BRAT1: variants seen among roughly 807,000 people sequenced by gnomAD.
The protein encoded by BRAT1 is integrator complex assembly factor BRAT1.
A neutral mutation model predicts 70.6 loss-of-function variants in BRAT1; 74 were observed. The observed-to-expected ratio is 1.05, with a 90% confidence interval of 0.87 to 1.27. BRAT1 has a LOEUF of 1.27. Ranked by LOEUF, BRAT1 falls within the 50% of genes most tolerant of loss-of-function variation. The probability of loss-of-function intolerance (pLI) is 0.00; values close to 1 mark genes in which losing one functional copy is unlikely to be tolerated. For missense variants in BRAT1, 1,203 were observed against 1,098.2 expected (o/e 1.10, Z -1.35); for synonymous variants, 615 against 517.1 (o/e 1.19, Z -2.57).
At chr7:2,539,003 G>T (rs1778921476) in intron 13 of BRAT1, 176 bp downstream of exon 13, 2 of 1,435,774 alleles carry the variant, frequency 1.4e-6, no homozygotes, top group Admixed American at 2.8e-5. Flanking sequence ...AGAAGGCGAA[G>T]CGCACAGGTC....
intron 4 of BRAT1, chr7:2,544,200 G>GTGTTT (rs1554296216): frequency 1.0e-4 from 11 of 108,670 alleles, no homozygotes; most frequent in Non-Finnish European, 1.6e-4. Context: ...CCTTCTTGTT[G>GTGTTT]TTTTTTTTTT....
Position 2,554,438 on chromosome 7 carries a change from G to A in BRAT1, c.-7C>T, listed in dbSNP as rs200174537. 1.0e-3 allele frequency: 1,665 copies of A among 1,612,164 alleles called. 6 individuals are homozygous for A. Among genetic ancestry groups the A allele is most frequent in the South Asian group, 5.6e-3 (514 of 90,992 alleles). On this transcript the variant is annotated 5_prime_UTR_variant, in exon 2 of 14. Transcript: ENST00000340611. The stretch of plus-strand genomic sequence containing the variant: ...GGGCGCATTCTGGGTCCATGGTGAG[G>A]CCGCAGGCCCTGCAAAGGCAATGTG...
At position 2,538,477 on chromosome 7, in the gene BRAT1, C is replaced by G; in HGVS notation, c.2058G>C (p.Gln686His). ...GAGCCCTCAGTGCCTCGGTGAGTGG[C>G]TGGGCTGGGGCCACCTCGGGTAGGG... The part of the protein sequence containing the change: ...AVALPEVAPA[Q>H]PLTEALRALC... The change falls in exon 14 of 14, where the codon CAG becomes CAC. Residue 686 changes from glutamine (Q) to histidine (H), a missense_variant. Coordinates refer to ENST00000340611, the MANE Select transcript of BRAT1 (RefSeq NM_152743.4). 6.2e-7 allele frequency: 1 copy of G among 1,612,386 alleles called. No individual in the cohort carries two copies. Among genetic ancestry groups the G allele is most frequent in the Non-Finnish European group, 8.5e-7 (1 of 1,179,870 alleles).
Position 2,543,324 on chromosome 7 carries a change from C to A in BRAT1, c.804-1G>T. 6.3e-7 allele frequency: 1 copy of A among 1,589,762 alleles called. No individual in the cohort carries two copies. The highest frequency in any genetic ancestry group is 8.6e-7 in the Non-Finnish European group (1 of 1,167,684). On this transcript the variant is annotated splice_acceptor_variant, in intron 5 of 13. Coordinates refer to ENST00000340611, the MANE Select transcript of BRAT1 (RefSeq NM_152743.4). LOFTEE classifies it high-confidence loss of function. This position sits in a 1 kb window ranked among gnomAD's most constrained non-coding sequence, Gnocchi z 5.5. ...GTCGGAAGAACTGAACACGGGAGAACTGCAGGGAGACCCCAGAGAGAAAAA... is the reference window on the plus strand; with the variant it reads ...GTCGGAAGAACTGAACACGGGAGAAATGCAGGGAGACCCCAGAGAGAAAAA...
Position 2,539,792 on chromosome 7 carries a change from G to T in BRAT1, c.1492C>A (p.Leu498Ile), listed in dbSNP as rs1399427910. ...SDLGPLIPQF[L>I]RELFPVLQKR... Reference sequence around the variant, plus strand: ...CTGCAAGGGGCTGCGTTACCTCTGAGGAACTGCGGGATGAGGGGGCCGAGA... The same window carrying T: ...CTGCAAGGGGCTGCGTTACCTCTGATGAACTGCGGGATGAGGGGGCCGAGA... The change falls in exon 11 of 14, where the codon CTC becomes ATC. Residue 498 changes from leucine to isoleucine, a missense_variant. Physicochemically the swap from Leu to Ile is conservative, Grantham distance 5. Transcript: ENST00000340611. The T allele has an allele frequency of 6.2e-7, 1 of 1,611,434 alleles. No homozygotes were observed. Among genetic ancestry groups the T allele is most frequent in the Admixed American group, 1.7e-5 (1 of 59,686 alleles).
At chr7:2,547,568 C>A in intron 2 of BRAT1, 90 bp from the exon 3 acceptor site, 1 of 1,422,050 alleles carries the variant, frequency 7.0e-7, no homozygotes, top group East Asian at 2.3e-5. Flanking sequence ...ATTCCCAGAC[C>A]CTTTTCTTGC....
In BRAT1 at chr7:2,543,381, G is replaced by A. The variant is rs1026084550; in HGVS notation, c.804-58C>T. ...CCCCACCCTCAAAACCCCATTCGAGGCCTGGCTGAGACTGCCATGGCTCCG... is the reference window on the plus strand; with the variant it reads ...CCCCACCCTCAAAACCCCATTCGAGACCTGGCTGAGACTGCCATGGCTCCG... On this transcript the variant is annotated intron_variant, in intron 5 of 13. Coordinates refer to ENST00000340611, the MANE Select transcript of BRAT1 (RefSeq NM_152743.4). The surrounding 1 kb of genome is among the most constrained non-coding windows in gnomAD (Gnocchi z 5.5). 2.6e-6 allele frequency: 4 copies of A among 1,520,254 alleles called. No homozygotes were observed. Among genetic ancestry groups the A allele is most frequent in the Non-Finnish European group, 3.5e-6 (4 of 1,133,894 alleles). The allele number at this position is 1,520,254 out of a possible 1,614,324, so 94.2% of individuals were successfully genotyped here.
rs1220211512 is a variant in BRAT1 at position 2,543,047 on chromosome 7, C to T, written c.923+157G>A. On this transcript the variant is annotated intron_variant, in intron 6 of 13. Coordinates refer to ENST00000340611, the MANE Select transcript of BRAT1 (RefSeq NM_152743.4). This position sits in a 1 kb window ranked among gnomAD's most constrained non-coding sequence, Gnocchi z 5.5. ...TTGCTAAAGAACCTTCAGAAGCTGC[C>T]GCGCGCAACCCACGCACCACCCAGT... 14 of 851,604 alleles carry T rather than the reference C, an allele frequency of 1.6e-5. No homozygotes were observed. Among genetic ancestry groups the T allele is most frequent in the Non-Finnish European group, 2.1e-5 (12 of 571,046 alleles). The allele number at this position is 851,604 out of a possible 1,614,324, so 52.8% of individuals were successfully genotyped here.
intron 9 of BRAT1, 109 bp downstream of exon 9, chr7:2,541,189 C>T: frequency 1.0e-5 from 15 of 1,431,456 alleles, no homozygotes; most frequent in Admixed American, 2.8e-5. Context: ...TCAGCCCCCA[C>T]CCCAGAGAAG....
rs932050999 is a variant in BRAT1 at position 2,538,159 on chromosome 7, G to A, written c.2376C>T (p.Ser792=). 23 of 1,608,548 alleles carry A rather than the reference G, an allele frequency of 1.4e-5. No homozygotes were observed. The highest frequency in any genetic ancestry group is 1.9e-5 in the Non-Finnish European group (22 of 1,176,992). Residue 792 remains serine, a synonymous_variant, in exon 14 of 14, where the codon AGC becomes AGT. Coordinates refer to ENST00000340611, the MANE Select transcript of BRAT1 (RefSeq NM_152743.4). ...ACTGGGGACTCTTTTCCACGTGGTC[G>A]CTGCTCTCGGCCAGCGTGCTCCGCA... ...EGLRSTLAES[S]DHVEKSPQSL...
At chr7:2,541,883 C>A in intron 7 of BRAT1, 47 bp from the exon 8 acceptor site, 1 of 1,588,846 alleles carries the variant, frequency 6.3e-7, no homozygotes, top group Non-Finnish European at 8.6e-7. Flanking sequence ...ACTTCAGCCT[C>A]CCCACGGTCA....
In BRAT1 at chr7:2,554,407, G is replaced by A. The variant is rs746904313; in HGVS notation, c.25C>T (p.Leu9Phe). 5.0e-6 allele frequency: 8 copies of A among 1,613,764 alleles called. No homozygotes were observed. Among genetic ancestry groups the A allele is most frequent in the Non-Finnish European group, 6.8e-6 (8 of 1,179,866 alleles). ...ACCAGAACAGCACAGAGAGCCGGGAGCAGCTGGGCGCATTCTGGGTCCATG... is the reference window on the plus strand; with the variant it reads ...ACCAGAACAGCACAGAGAGCCGGGAACAGCTGGGCGCATTCTGGGTCCATG... The part of the protein sequence containing the change: MDPECAQL[L>F]PALCAVLVDP... Residue 9 changes from leucine to phenylalanine, a missense_variant, in exon 2 of 14, where the codon CTC becomes TTC. Leu to Phe is a conservative substitution (Grantham distance 22, BLOSUM62 0). Coordinates refer to ENST00000340611, the MANE Select transcript of BRAT1 (RefSeq NM_152743.4).
At chr7:2,553,526 T>TC (rs899167296) in intron 2 of BRAT1, among the ~76,000 whole-genome samples, 1 of 151,892 alleles carries the variant, frequency 6.6e-6, no homozygotes, top group African/African-American at 2.4e-5. Flanking sequence ...TGACCTCATT[T>TC]TTTTTTCCCC....
At chr7:2,548,668 T>TAA (rs59949760) in intron 2 of BRAT1, among the ~76,000 whole-genome samples, 4 of 133,460 alleles carry the variant, frequency 3.0e-5, no homozygotes, top group African/African-American at 8.3e-5. Context: ...CCTGTCTCTC[T>TAA]AAAAAAAAAA....
At position 2,542,192 on chromosome 7, in the gene BRAT1, G is replaced by A. The variant is rs1391205241; in HGVS notation, c.943C>T (p.Gln315Ter). 6.4e-7 allele frequency: 1 copy of A among 1,564,870 alleles called. No individual in the cohort carries two copies. The highest frequency in any genetic ancestry group is 8.7e-7 in the Non-Finnish European group (1 of 1,154,664). ...GGCTGGAGAAGGACCTGGAAGGCCTGGGTCCTCAGTGCCTGTGGACTGGAG... is the reference window on the plus strand; with the variant it reads ...GGCTGGAGAAGGACCTGGAAGGCCTAGGTCCTCAGTGCCTGTGGACTGGAG... ...LEHCPQALRT[Q>*]AFQVLLQPLA... is the part of the protein sequence containing the mutation. Residue 315 changes from glutamine to a stop codon, truncating the protein, a stop_gained, in exon 7 of 14, where the codon CAG (glutamine) becomes TAG (stop). Transcript: ENST00000340611. LOFTEE classifies it high-confidence loss of function.
rs1366592830 is a variant in BRAT1, at chr7:2,544,771, C to A, written c.430+138G>T. ...CTGCCAACCAGAGAACACTGGACAG[C>A]CGTACTGTCACAGTGCAGTCTTTGC... On this transcript the variant is annotated intron_variant, in intron 4 of 13. Transcript: ENST00000340611. 3 of 1,332,028 alleles carry A rather than the reference C, an allele frequency of 2.3e-6. No individual in the cohort carries two copies. In the East Asian group the frequency reaches 8.4e-5, roughly 37 times the overall value. The allele number at this position is 1,332,028 out of a possible 1,614,324, so 82.5% of individuals were successfully genotyped here. A position where few individuals can be genotyped will look rare whatever the true frequency, so the allele number is the denominator to read the frequency against.
intron 10 of BRAT1, 142 bp from the exon 11 acceptor site, chr7:2,540,030 C>T: frequency 1.6e-6 from 1 of 606,586 alleles, no homozygotes; most frequent in Non-Finnish European, 2.8e-6. Flanking sequence ...GAACGCTGGG[C>T]TTCCTTCTTT....
intron 2 of BRAT1, among the ~76,000 whole-genome samples, chr7:2,551,488 C>A (rs920322367): frequency 3.3e-5 from 5 of 151,416 alleles, no homozygotes; most frequent in Admixed American, 3.3e-4. Context: ...CCCAGGAGTT[C>A]CAAGCTGGCC....
chr7:2,544,200 G>GTTTTTTTTT lies in BRAT1; in HGVS notation c.431-247_431-239dup, dbSNP rs1172630697. 6.7e-3 allele frequency: 724 copies of GTTTTTTTTT among 108,610 alleles called. 61 individuals are homozygous for GTTTTTTTTT. The highest frequency in any genetic ancestry group is 1.0e-2 in the South Asian group (37 of 3,716). 6.7% of individuals were successfully genotyped at this position (108,610 alleles called of 1,614,324 possible). A position where few individuals can be genotyped will look rare whatever the true frequency, so the allele number is the denominator to read the frequency against. On this transcript the variant is annotated intron_variant, in intron 4 of 13. Transcript: ENST00000340611. ...GCTTCCCAATTCGTTCCTTCTTGTTGTTTTTTTTTTTTTTTTTTTTGAGAC... is the reference window on the plus strand; with the variant it reads ...GCTTCCCAATTCGTTCCTTCTTGTTGTTTTTTTTTTTTTTTTTTTTTTTTTTTTTGAGAC...
Sources: allele counts gnomAD v4.1 joint callset (sites outside exome capture counted in the v4.1 genomes callset), GRCh38; gene constraint gnomAD v4.1.1; non-coding constraint Gnocchi (gnomAD v3.1); transcripts MANE v1.5; gene names NCBI Gene and HGNC (gene_info 2026-07-23, HGNC 2026-07-21).